PDE4D: variants seen among roughly 807,000 people sequenced by gnomAD.
PDE4D encodes the protein 3',5'-cyclic-AMP phosphodiesterase 4D.
In PDE4D, 24 loss-of-function variants were observed where a neutral mutation model predicts 87.4. That is an observed-to-expected ratio of 0.27 (90% CI 0.20 to 0.39). PDE4D has a LOEUF of 0.39. Among genes scored for constraint, PDE4D ranks in the 10% least tolerant of loss-of-function variants. The pLI is 1.00. For missense variants in PDE4D, 714 were observed against 1,041.0 expected (o/e 0.69, Z 4.32); for synonymous variants, 384 against 383.2 (o/e 1.00, Z -0.02).
At chr5:59,521,825 T>C (rs981445394) in intron 1 of PDE4D, among the ~76,000 whole-genome samples, 1 of 152,202 alleles carries the variant, frequency 6.6e-6, no homozygotes, top group African/African-American at 2.4e-5. Context: ...CACTTGTAAT[T>C]CTAGATCTGT....
intron 1 of PDE4D, among the ~76,000 whole-genome samples, chr5:59,690,987 C>T (rs1750815135): frequency 1.3e-5 from 2 of 152,108 alleles, no homozygotes; most frequent in South Asian, 4.1e-4. Context: ...CATCACTTGG[C>T]CATCAGAGAA....
chr5:59,126,995 A>G (rs1775496945), intron 5 of PDE4D, among the ~76,000 whole-genome samples: 1 of 152,226 alleles, frequency 6.6e-6, no homozygotes, highest in South Asian at 2.1e-4. Flanking sequence ...TTTACACTAA[A>G]GAATTCAAAG....
intron 5 of PDE4D, among the ~76,000 whole-genome samples, chr5:59,079,358 C>T (rs1766266457): frequency 6.6e-6 from 1 of 152,070 alleles, no homozygotes; most frequent in African/African-American, 2.4e-5. Context: ...AAAAAGCATG[C>T]ATAATTTCAC....
chr5:60,350,303 C>T (rs1339461937), intron 1 of PDE4D, among the ~76,000 whole-genome samples: 1 of 152,140 alleles, frequency 6.6e-6, no homozygotes, highest in African/African-American at 2.4e-5. Flanking sequence ...CTGGCAACCT[C>T]ATACTGGACA....
At chr5:60,515,499 A>G (rs1310606813) in intron 1 of PDE4D, among the ~76,000 whole-genome samples, 7 of 152,186 alleles carry the variant, frequency 4.6e-5, no homozygotes, top group African/African-American at 1.7e-4. Flanking sequence ...TGGACAATCG[A>G]AAAAGAATAG....
At chr5:59,886,912 A>G (rs1038330007) in intron 1 of PDE4D, among the ~76,000 whole-genome samples, 5 of 151,362 alleles carry the variant, frequency 3.3e-5, no homozygotes, top group African/African-American at 1.2e-4. Flanking sequence ...TGAAACTGGT[A>G]GCCTGGGGTG....
At chr5:60,053,905 C>T (rs1252042588) in intron 2 of PDE4D, among the ~76,000 whole-genome samples, 1 of 152,190 alleles carries the variant, frequency 6.6e-6, no homozygotes. Context: ...CAAAAGAAGA[C>T]TTTTATGCGG....
chr5:59,828,297 T>C (rs561364676), intron 1 of PDE4D, among the ~76,000 whole-genome samples: 16 of 152,190 alleles, frequency 1.1e-4, no homozygotes, highest in South Asian at 4.1e-4. Context: ...CTTCCAGATA[T>C]ATGTTATAGA....
intron 1 of PDE4D, among the ~76,000 whole-genome samples, chr5:59,536,728 T>C (rs1175120992): frequency 6.6e-6 from 1 of 152,104 alleles, no homozygotes; most frequent in African/African-American, 2.4e-5. Context: ...GAAAAGACTC[T>C]TTTTTCTTTA....
intron 5 of PDE4D, among the ~76,000 whole-genome samples, chr5:59,174,713 T>C (rs1783551632): frequency 6.6e-6 from 1 of 152,184 alleles, no homozygotes; most frequent in Admixed American, 6.5e-5. Context: ...AAGCATATAC[T>C]TCCACGGTGG....
At chr5:59,418,628 A>C (rs1046730940) in intron 1 of PDE4D, among the ~76,000 whole-genome samples, 9 of 151,816 alleles carry the variant, frequency 5.9e-5, no homozygotes, top group African/African-American at 2.4e-5. Flanking sequence ...CTGGGTCCCA[A>C]CTCCAGGATT....
intron 2 of PDE4D, among the ~76,000 whole-genome samples, chr5:60,047,914 T>TTC (rs1769509832): frequency 2.6e-5 from 4 of 152,224 alleles, no homozygotes; most frequent in Admixed American, 2.0e-4. Context: ...AATTCCAGGG[T>TTC]ATCCTTGTTG....
At chr5:60,311,285 G>A (rs953385019) in intron 1 of PDE4D, among the ~76,000 whole-genome samples, 2 of 152,192 alleles carry the variant, frequency 1.3e-5, no homozygotes, top group Non-Finnish European at 2.9e-5. Flanking sequence ...GCCTCCCAAA[G>A]TGCTGGGATT....
At chr5:60,315,629 T>G (rs1755502461) in intron 1 of PDE4D, among the ~76,000 whole-genome samples, 1 of 152,222 alleles carries the variant, frequency 6.6e-6, no homozygotes, top group African/African-American at 2.4e-5. Flanking sequence ...GGTCTAACAT[T>G]TAAGTCTTTA....
intron 1 of PDE4D, among the ~76,000 whole-genome samples, chr5:59,642,796 C>T (rs555970808): frequency 6.5e-5 from 9 of 138,168 alleles, no homozygotes; most frequent in Non-Finnish European, 1.5e-4. Flanking sequence ...TCTATAACCA[C>T]GAGAAGTCTT....
intron 1 of PDE4D, among the ~76,000 whole-genome samples, chr5:59,872,512 C>T (rs1305394576): frequency 6.6e-6 from 1 of 152,140 alleles, no homozygotes; most frequent in Non-Finnish European, 1.5e-5. Context: ...ATTTGATAAT[C>T]ATAATTTTTG....
chr5:59,821,277 A>AACAAC (rs1554092201), intron 1 of PDE4D, among the ~76,000 whole-genome samples: 12 of 144,908 alleles, frequency 8.3e-5, no homozygotes, highest in African/African-American at 2.4e-4. Context: ...ACAACAACAA[A>AACAAC]AGAAAAAGAA....
At chr5:59,444,791 G>A (rs1798118045) in intron 1 of PDE4D, among the ~76,000 whole-genome samples, 1 of 152,130 alleles carries the variant, frequency 6.6e-6, no homozygotes, top group East Asian at 1.9e-4. Context: ...CAGCCTGGGT[G>A]ACAGCGAGAG....
intron 2 of PDE4D, among the ~76,000 whole-genome samples, chr5:60,038,359 C>A (rs1018683644): frequency 1.4e-4 from 22 of 152,118 alleles, no homozygotes; most frequent in African/African-American, 4.1e-4. Context: ...CCAGTTTTCC[C>A]AGCACCATTT....
Sources: gnomAD v4.1 joint callset for allele counts (sites outside exome capture counted in the v4.1 genomes callset) on GRCh38, gnomAD v4.1.1 for gene constraint, MANE v1.5 for transcripts, NCBI Gene and HGNC (gene_info 2026-07-23, HGNC 2026-07-21) for gene names.